Variants in PTBP3 observed in about 807,000 individuals in gnomAD.
The protein encoded by PTBP3 is polypyrimidine tract binding protein 3, also known as polypyrimidine tract-binding protein 3.
A neutral mutation model predicts 58.7 loss-of-function variants in PTBP3; 20 were observed. That is an observed-to-expected ratio of 0.34 (90% CI 0.24 to 0.50). The LOEUF (loss-of-function observed/expected upper bound fraction) is 0.50, where lower values mean the gene tolerates loss of function less well. Ranked by LOEUF, PTBP3 falls within the 20% of genes least tolerant of loss-of-function variation. PTBP3 has a pLI of 0.98. For synonymous variants in PTBP3, 185 were observed against 219.8 expected (o/e 0.84, Z 1.40); for missense variants, 509 against 637.2 (o/e 0.80, Z 2.17).
chr9:112,263,367 A>C (rs1437137050), intron 4 of PTBP3, among the ~76,000 whole-genome samples: 1 of 152,206 alleles, frequency 6.6e-6, no homozygotes, highest in African/African-American at 2.4e-5. Flanking sequence ...TAACAACTTT[A>C]TAGTGGAGAA....
At chr9:112,278,750 T>C (rs1489341642) in intron 2 of PTBP3, among the ~76,000 whole-genome samples, 15 of 152,206 alleles carry the variant, frequency 9.9e-5, no homozygotes, top group Admixed American at 1.3e-4. Context: ...CTGAGCAAGT[T>C]ATTTAACGTT....
At chr9:112,234,466 C>T (rs1371500036) in intron 8 of PTBP3, among the ~76,000 whole-genome samples, 1 of 152,138 alleles carries the variant, frequency 6.6e-6, no homozygotes, top group Non-Finnish European at 1.5e-5. Flanking sequence ...CTGTTCAACA[C>T]ATAATTGATA....
intron 2 of PTBP3, among the ~76,000 whole-genome samples, chr9:112,290,695 T>TACACAC (rs1335488388): frequency 5.7e-4 from 44 of 76,852 alleles, no homozygotes; most frequent in Non-Finnish European, 9.4e-4. Flanking sequence ...AAAATATATA[T>TACACAC]ATATATATAT....
chr9:112,348,827 C>A, the PTBP3 span, among the ~76,000 whole-genome samples: 471 of 152,288 alleles, frequency 3.1e-3, 3 homozygotes, highest in South Asian at 0.018. Context: ...TACCACCCCC[C>A]CTCCCAGATG....
chr9:112,228,589 C>T (rs1163701575), intron 10 of PTBP3, 117 bp from the exon 11 acceptor site: 1 of 618,746 alleles, frequency 1.6e-6, no homozygotes, highest in Non-Finnish European at 2.7e-6. Flanking sequence ...TCCATACATA[C>T]ACCTGCAAAT....
Position 112,218,766 on chromosome 9 carries a change from A to T in PTBP3, c.*5085T>A, listed in dbSNP as rs1834705357. On this transcript the variant is annotated 3_prime_UTR_variant, in exon 14 of 14. Transcript: ENST00000374257. ...ATACAAGACAATTGATGTTTTATATAAAACCACTTTATAAGTTCATTTGTT... is the reference window on the plus strand; with the variant it reads ...ATACAAGACAATTGATGTTTTATATTAAACCACTTTATAAGTTCATTTGTT... 6.5e-6 allele frequency: 1 copy of T among 152,678 alleles called. No individual in the cohort carries two copies. Among genetic ancestry groups the T allele is most frequent in the Non-Finnish European group, 1.5e-5 (1 of 68,044 alleles). 9.5% of individuals were successfully genotyped at this position (152,678 alleles called of 1,614,324 possible).
intron 3 of PTBP3, 27 bp downstream of exon 3, chr9:112,275,817 C>A: frequency 6.4e-7 from 1 of 1,559,594 alleles, no homozygotes; most frequent in Non-Finnish European, 8.8e-7. Flanking sequence ...GATAATCACT[C>A]TTTGTCAATC....
Position 112,222,758 on chromosome 9 carries a change from A to T in PTBP3, c.*1093T>A. On this transcript the variant is annotated 3_prime_UTR_variant, in exon 14 of 14. Coordinates refer to ENST00000374257, the MANE Select transcript of PTBP3 (RefSeq NM_001163788.4). ...ACAATATAGCTTTCAAGATATTTAG[A>T]TTAAACTCTAACCTATTGTATCTTA... The T allele has an allele frequency of 1.0e-6, 1 of 961,358 alleles. No homozygotes were observed. Among genetic ancestry groups the T allele is most frequent in the Non-Finnish European group, 1.2e-6 (1 of 807,596 alleles). The allele number at this position is 961,358 out of a possible 1,614,324, so 59.6% of individuals were successfully genotyped here. A position where few individuals can be genotyped will look rare whatever the true frequency, so the allele number is the denominator to read the frequency against.
chr9:112,312,324 CAACAAT>C (rs762439122), intron 1 of PTBP3, among the ~76,000 whole-genome samples: 11 of 151,246 alleles, frequency 7.3e-5, no homozygotes, highest in East Asian at 3.9e-4. Context: ...ATCTACAAAA[CAACAAT>C]AACAATAACA....
At chr9:112,346,773 C>G in the PTBP3 span, among the ~76,000 whole-genome samples, 1 of 152,166 alleles carries the variant, frequency 6.6e-6, no homozygotes, top group Admixed American at 6.5e-5. Flanking sequence ...ATCTGTCACC[C>G]AGGCTGGAGC....
intron 1 of PTBP3, among the ~76,000 whole-genome samples, chr9:112,311,030 G>C (rs1456378534): frequency 6.6e-6 from 1 of 152,204 alleles, no homozygotes; most frequent in Non-Finnish European, 1.5e-5. Context: ...GGGAAAGAGA[G>C]TTTTGAACAG....
intron 2 of PTBP3, among the ~76,000 whole-genome samples, chr9:112,295,210 G>C (rs1202178888): frequency 1.3e-5 from 2 of 149,510 alleles, no homozygotes; most frequent in South Asian, 4.2e-4. Context: ...CTGCACTCCA[G>C]CCTGGGCGAG....
chr9:112,297,810 T>TAAAAA, intron 2 of PTBP3, 22 bp downstream of exon 2: 7 of 1,169,308 alleles, frequency 6.0e-6, no homozygotes, highest in South Asian at 1.6e-5. Flanking sequence ...AATCAAATAT[T>TAAAAA]AAAAAAAAAA....
intron 2 of PTBP3, among the ~76,000 whole-genome samples, chr9:112,283,170 C>T (rs999502162): frequency 1.3e-5 from 2 of 152,086 alleles, no homozygotes; most frequent in East Asian, 1.9e-4. Flanking sequence ...CAGACTAATA[C>T]AGTAAATTGG....
chr9:112,233,652 C>T (rs1835335470), intron 8 of PTBP3, among the ~76,000 whole-genome samples: 2 of 152,036 alleles, frequency 1.3e-5, no homozygotes, highest in Admixed American at 1.3e-4. Context: ...TAGTTATTGG[C>T]CAGGTGCAGT....
intron 1 of PTBP3, among the ~76,000 whole-genome samples, chr9:112,316,662 G>T (rs1377235553): frequency 6.6e-6 from 1 of 152,218 alleles, no homozygotes; most frequent in East Asian, 1.9e-4. Context: ...GTATCAGGCT[G>T]GGCACAGTGG....
At chr9:112,306,612 TTG>T (rs1260706444) in intron 1 of PTBP3, among the ~76,000 whole-genome samples, 8 of 143,080 alleles carry the variant, frequency 5.6e-5, no homozygotes, top group African/African-American at 2.1e-4. Flanking sequence ...ATATTTTTGT[TTG>T]TTTGTTTGTT....
At chr9:112,243,358 C>T (rs768893488) in intron 7 of PTBP3, among the ~76,000 whole-genome samples, 1 of 151,982 alleles carries the variant, frequency 6.6e-6, no homozygotes, top group Non-Finnish European at 1.5e-5. Context: ...CTGGCCAACA[C>T]GGTGAAACCC....
At chr9:112,357,102 G>C in the PTBP3 span, among the ~76,000 whole-genome samples, 4 of 151,582 alleles carry the variant, frequency 2.6e-5, no homozygotes, top group Non-Finnish European at 5.9e-5. Flanking sequence ...GGCTGGTCTC[G>C]AACTCCTGAT....
Sources: allele counts gnomAD v4.1 joint callset (sites outside exome capture counted in the v4.1 genomes callset), GRCh38; gene constraint gnomAD v4.1.1; transcripts MANE v1.5; gene names NCBI Gene and HGNC (gene_info 2026-07-23, HGNC 2026-07-21).